UQCC1: variants seen among roughly 807,000 people sequenced by gnomAD.
The protein encoded by UQCC1 is bFGF-repressed Zic-binding protein.
A neutral mutation model predicts 48.0 loss-of-function variants in UQCC1; 38 were observed. That is an observed-to-expected ratio of 0.79 (90% CI 0.61 to 1.04). The LOEUF is 1.04. Ranked by LOEUF, UQCC1 falls within the 50% of genes least tolerant of loss-of-function variation. The pLI is 0.00. For synonymous variants in UQCC1, 111 were observed against 129.2 expected, an observed-to-expected ratio of 0.86 and a Z score of 0.95; for missense variants, 368 against 381.8, an observed-to-expected ratio of 0.96 and a Z score of 0.30.
chr20:35,388,381 C>T (rs1271295966), intron 2 of UQCC1, among the ~76,000 whole-genome samples: 2 of 147,616 alleles, frequency 1.4e-5, no homozygotes, highest in African/African-American at 2.5e-5. Flanking sequence ...ACTTTGACCC[C>T]CCCAGACTCA....
At chr20:35,364,513 T>C (rs1240695295) in intron 6 of UQCC1, among the ~76,000 whole-genome samples, 1 of 152,182 alleles carries the variant, frequency 6.6e-6, no homozygotes, top group African/African-American at 2.4e-5. Context: ...CCTGCACACA[T>C]AGGAGGTCCT....
At chr20:35,394,649 CT>C (rs1356311383) in intron 1 of UQCC1, among the ~76,000 whole-genome samples, 2 of 152,112 alleles carry the variant, frequency 1.3e-5, no homozygotes, top group African/African-American at 4.8e-5. Context: ...ATGAAAAACT[CT>C]TTTTTCTATA....
chr20:35,411,092 T>C (rs2062356441), intron 1 of UQCC1, among the ~76,000 whole-genome samples: 1 of 152,166 alleles, frequency 6.6e-6, no homozygotes, highest in Admixed American at 6.6e-5. Context: ...AACAGTGTCT[T>C]TGACCCAGTT....
intron 2 of UQCC1, among the ~76,000 whole-genome samples, chr20:35,389,424 G>A (rs1053727381): frequency 1.3e-5 from 2 of 152,030 alleles, no homozygotes; most frequent in East Asian, 1.9e-4. Context: ...TTAGCTGGGC[G>A]TGGTGAGCTC....
chr20:35,373,761 A>G (rs575967726), intron 5 of UQCC1, among the ~76,000 whole-genome samples: 2 of 152,050 alleles, frequency 1.3e-5, no homozygotes, highest in Non-Finnish European at 2.9e-5. Context: ...ACTCTTATGT[A>G]AAAAGATGCA....
At chr20:35,305,498 A>G (rs2060918620) in intron 9 of UQCC1, among the ~76,000 whole-genome samples, 2 of 152,346 alleles carry the variant, frequency 1.3e-5, no homozygotes, top group South Asian at 4.1e-4. Flanking sequence ...TGCTTTGCGA[A>G]TTGCTACTCC....
At chr20:35,320,609 C>A (rs2061113446) in intron 7 of UQCC1, among the ~76,000 whole-genome samples, 1 of 152,166 alleles carries the variant, frequency 6.6e-6, no homozygotes, top group African/African-American at 2.4e-5. Context: ...AGACAGCCAC[C>A]AGATGGGTCA....
At chr20:35,403,430 T>C (rs1266629159) in intron 1 of UQCC1, among the ~76,000 whole-genome samples, 1 of 152,196 alleles carries the variant, frequency 6.6e-6, no homozygotes, top group East Asian at 1.9e-4. Flanking sequence ...AGCACCCAGA[T>C]GTGGTTTCTA....
chr20:35,317,705 T>G (rs2061077566), intron 7 of UQCC1, among the ~76,000 whole-genome samples: 2 of 152,188 alleles, frequency 1.3e-5, no homozygotes, highest in African/African-American at 4.8e-5. Context: ...CATCATCTGG[T>G]CCAGAGCCTA....
chr20:35,392,318 C>T (rs779834194), intron 2 of UQCC1: 46 of 1,297,736 alleles, frequency 3.5e-5, no homozygotes, highest in Middle Eastern at 2.1e-4. Flanking sequence ...ACAGTCGATA[C>T]GACAAAAGGT....
intron 7 of UQCC1, among the ~76,000 whole-genome samples, chr20:35,338,612 C>T (rs966311182): frequency 3.3e-5 from 5 of 151,316 alleles, no homozygotes; most frequent in African/African-American, 9.7e-5. Context: ...TTTGGGAGGC[C>T]GAGCGGGTGG....
At chr20:35,333,994 C>A (rs976290948) in intron 7 of UQCC1, among the ~76,000 whole-genome samples, 3 of 152,134 alleles carry the variant, frequency 2.0e-5, no homozygotes, top group African/African-American at 7.2e-5. Context: ...GAACACAAAG[C>A]CTTCCATATA....
At chr20:35,350,558 G>A (rs148365053) in intron 6 of UQCC1, among the ~76,000 whole-genome samples, 1 of 151,696 alleles carries the variant, frequency 6.6e-6, no homozygotes, top group Admixed American at 6.6e-5. Context: ...TTAGCCAGGT[G>A]TGGTGGTGTG....
At chr20:35,326,995 A>C (rs186731166) in intron 7 of UQCC1, among the ~76,000 whole-genome samples, 110 of 152,348 alleles carry the variant, frequency 7.2e-4, no homozygotes, top group African/African-American at 2.5e-3. Context: ...ATCTAAAGGC[A>C]ACACTGAGAT....
At chr20:35,351,449 T>C (rs201914390) in intron 6 of UQCC1, among the ~76,000 whole-genome samples, 1 of 150,730 alleles carries the variant, frequency 6.6e-6, no homozygotes, top group East Asian at 1.9e-4. Flanking sequence ...AGAAAAAAGA[T>C]TTGGCTACTT....
At chr20:35,373,687 CAAA>C (rs5841203) in intron 5 of UQCC1, among the ~76,000 whole-genome samples, 8 of 86,268 alleles carry the variant, frequency 9.3e-5, no homozygotes, top group African/African-American at 2.7e-4. Context: ...GACTCCATCT[CAAA>C]AAAAAAAAAA....
At chr20:35,319,315 C>T (rs892798863) in intron 7 of UQCC1, among the ~76,000 whole-genome samples, 3 of 152,144 alleles carry the variant, frequency 2.0e-5, no homozygotes, top group Non-Finnish European at 4.4e-5. Context: ...CACAGGCCTG[C>T]TTTCCCAGCA....
chr20:35,388,294 TTTTTC>T (rs1236721105), intron 2 of UQCC1, among the ~76,000 whole-genome samples: 1 of 4,284 alleles, frequency 2.3e-4, no homozygotes, highest in Non-Finnish European at 5.0e-4. Context: ...TCTATTTCTT[TTTTTC>T]TTTTTTTTTG....
chr20:35,309,304 C>G, intron 8 of UQCC1: 1 of 405,848 alleles, frequency 2.5e-6, no homozygotes. Flanking sequence ...TGGTGGCACA[C>G]AAGTGTAGTC....
Sources: allele counts gnomAD v4.1 joint callset (sites outside exome capture counted in the v4.1 genomes callset), GRCh38; gene constraint gnomAD v4.1.1; transcripts MANE v1.5; gene names NCBI Gene and HGNC (gene_info 2026-07-23, HGNC 2026-07-21).